GLIS3: variants seen among roughly 807,000 people sequenced by gnomAD.
GLIS3 encodes the protein zinc finger protein GLIS3.
In GLIS3, 53 loss-of-function variants were observed where a neutral mutation model predicts 78.6. The observed-to-expected ratio is 0.67, with a 90% CI of 0.54 to 0.85. The LOEUF is 0.85. GLIS3 is among the 40% of genes least tolerant of loss of function. GLIS3 has a pLI of 0.00. For missense variants in GLIS3, 1,703 were observed against 1,231.1 expected, an observed-to-expected ratio of 1.38 and a Z score of -5.74; for synonymous variants, 684 against 509.9, an observed-to-expected ratio of 1.34 and a Z score of -4.60.
At chr9:4,288,561 A>G (rs1828191914) in intron 1 of GLIS3, among the ~76,000 whole-genome samples, 2 of 152,194 alleles carry the variant, frequency 1.3e-5, no homozygotes, top group African/African-American at 4.8e-5. Context: ...AAAAACACAT[A>G]AGGAGGTACT....
chr9:4,093,117 C>T (rs941053366), intron 4 of GLIS3, among the ~76,000 whole-genome samples: 1 of 152,156 alleles, frequency 6.6e-6, no homozygotes, highest in Non-Finnish European at 1.5e-5. Flanking sequence ...ATTTAATTAT[C>T]CTCATTTACA....
At chr9:4,413,451 T>C in the GLIS3 span, among the ~76,000 whole-genome samples, 1 of 152,196 alleles carries the variant, frequency 6.6e-6, no homozygotes, top group Non-Finnish European at 1.5e-5. Context: ...ACTTGCCTCC[T>C]AAGCCTGCAC....
At chr9:4,405,895 G>A in the GLIS3 span, among the ~76,000 whole-genome samples, 1 of 152,122 alleles carries the variant, frequency 6.6e-6, no homozygotes, top group Non-Finnish European at 1.5e-5. Flanking sequence ...TTTATCCCAG[G>A]GATGCAAGGA....
chr9:4,129,256 G>A (rs905173357), intron 2 of GLIS3, among the ~76,000 whole-genome samples: 3 of 152,110 alleles, frequency 2.0e-5, no homozygotes, highest in African/African-American at 7.2e-5. Flanking sequence ...GCTATTTGGG[G>A]ACTTACGCAA....
At chr9:3,911,088 TCTTC>T (rs529843461) in intron 6 of GLIS3, among the ~76,000 whole-genome samples, 23 of 151,832 alleles carry the variant, frequency 1.5e-4, no homozygotes, top group Non-Finnish European at 2.8e-4. Flanking sequence ...TTAAAATCCA[TCTTC>T]CTTCCTTTCT....
Position 3,937,300 on chromosome 9 carries a change from A to G in GLIS3, c.1711-111T>C. Reference sequence around the variant, plus strand: ...TTGGTACTTTGCCGAAAATGATAAAATAAAATCAAATCCAAACAGTAATAA... The same window carrying G: ...TTGGTACTTTGCCGAAAATGATAAAGTAAAATCAAATCCAAACAGTAATAA... On this transcript the variant is annotated intron_variant, in intron 4 of 10. Transcript: ENST00000381971. 3 of 1,042,512 alleles carry G rather than the reference A, an allele frequency of 2.9e-6. No homozygotes were observed. The South Asian group carries it at 4.1e-5, about 14-fold the overall frequency. 64.6% of individuals were successfully genotyped at this position (1,042,512 alleles called of 1,614,324 possible). A position where few individuals can be genotyped will look rare whatever the true frequency, so the allele number is the denominator to read the frequency against.
At chr9:4,215,368 T>TGCATATGTAATATATAC (rs1820731868) in intron 2 of GLIS3, among the ~76,000 whole-genome samples, 4 of 152,028 alleles carry the variant, frequency 2.6e-5, no homozygotes, top group Admixed American at 2.6e-4. Context: ...TAAATACATA[T>TGCATATGTAATATATAC]GCATATGTAA....
At position 4,172,228 on chromosome 9, in the gene GLIS3, A is replaced by C. The variant is rs551681526; in HGVS notation, c.389-46287T>G. 3.9e-5 allele frequency among the ~76,000 whole-genome samples: 6 copies of C among 152,250 alleles called. No individual in the cohort carries two copies. In the South Asian group the frequency reaches 1.2e-3, roughly 32 times the overall value. On this transcript the variant is annotated intron_variant, in intron 2 of 10. Transcript: ENST00000381971. ...TCTTGTATTTGCATCTGTCTTTCTT[A>C]CTATCAGTGAGCTTTCTTTTCCAGG...
intron 4 of GLIS3, among the ~76,000 whole-genome samples, chr9:4,087,266 T>C (rs1433729415): frequency 6.6e-6 from 1 of 152,194 alleles, no homozygotes; most frequent in Non-Finnish European, 1.5e-5. Context: ...ATCCCTTATT[T>C]AGGCCATGGA....
At chr9:3,836,728 G>A (rs1164188367) in intron 9 of GLIS3, among the ~76,000 whole-genome samples, 11 of 152,290 alleles carry the variant, frequency 7.2e-5, no homozygotes, top group Admixed American at 2.0e-4. Flanking sequence ...AGCAAGACGA[G>A]AGCCATATGC....
intron 2 of GLIS3, among the ~76,000 whole-genome samples, chr9:4,279,279 C>A (rs982524866): frequency 8.8e-6 from 1 of 113,028 alleles, no homozygotes; most frequent in Admixed American, 1.2e-4. Context: ...GCCTGGGCAA[C>A]AGAGCAAGAC....
chr9:4,407,154 A>G, the GLIS3 span, among the ~76,000 whole-genome samples: 1 of 152,182 alleles, frequency 6.6e-6, no homozygotes, highest in Admixed American at 6.5e-5. Flanking sequence ...TCTACAGTAA[A>G]CTCATTTTCA....
At chr9:4,130,777 C>T (rs1013290406) in intron 2 of GLIS3, among the ~76,000 whole-genome samples, 3 of 152,222 alleles carry the variant, frequency 2.0e-5, no homozygotes, top group Admixed American at 6.5e-5. Flanking sequence ...GGAGCCTCCA[C>T]ACAGTCTCCA....
intron 4 of GLIS3, among the ~76,000 whole-genome samples, chr9:3,964,417 AC>A (rs200203650): frequency 2.6e-5 from 4 of 152,168 alleles, no homozygotes; most frequent in Non-Finnish European, 5.9e-5. Context: ...TCAAGACGTT[AC>A]CCCCCCAAAA....
the GLIS3 span, among the ~76,000 whole-genome samples, chr9:4,388,049 C>G: frequency 1.6e-4 from 24 of 152,284 alleles, no homozygotes; most frequent in African/African-American, 5.1e-4. Context: ...TTGTTTTTGA[C>G]TGATTATGAG....
At chr9:3,879,313 G>C in intron 8 of GLIS3, 114 bp downstream of exon 8, 1 of 992,656 alleles carries the variant, frequency 1.0e-6, no homozygotes, top group Admixed American at 1.7e-5. Flanking sequence ...TCACCTTTGG[G>C]TAACTCAACC....
chr9:4,391,550 G>GGTGTGTGTGTGT, the GLIS3 span, among the ~76,000 whole-genome samples: 738 of 146,174 alleles, frequency 5.0e-3, 2 homozygotes, highest in African/African-American at 0.019. Flanking sequence ...TTCTAAGAGG[G>GGTGTGTGTGTGT]GTGTGTGTGT....
At chr9:4,347,812 G>C (rs1269915657) in intron 1 of GLIS3, among the ~76,000 whole-genome samples, 2 of 152,014 alleles carry the variant, frequency 1.3e-5, no homozygotes, top group Non-Finnish European at 2.9e-5. Flanking sequence ...ATAACTACCT[G>C]ACAGGCTTGA....
chr9:4,068,697 G>T (rs144712404), intron 4 of GLIS3, among the ~76,000 whole-genome samples: 1 of 152,066 alleles, frequency 6.6e-6, no homozygotes, highest in African/African-American at 2.4e-5. Flanking sequence ...CATACAAATG[G>T]CCTCAGAAGA....
Sources: gnomAD v4.1 joint callset for allele counts (sites outside exome capture counted in the v4.1 genomes callset) on GRCh38, gnomAD v4.1.1 for gene constraint, MANE v1.5 for transcripts, NCBI Gene and HGNC (gene_info 2026-07-23, HGNC 2026-07-21) for gene names.